EML4: variants seen among roughly 807,000 people sequenced by gnomAD.
The protein encoded by EML4 is echinoderm microtubule-associated protein-like 4.
Under a neutral mutation model 129.0 loss-of-function variants are expected in EML4, and 72 were observed. The ratio of observed to expected loss-of-function variants is 0.56; its 90% CI spans 0.46 to 0.68. The LOEUF is 0.68. EML4 is among the 30% of genes least tolerant of loss of function. The pLI, the probability that EML4 is intolerant of heterozygous loss-of-function variation, is 0.00. For synonymous variants in EML4, 532 were observed against 405.0 expected, an observed-to-expected ratio of 1.31 and a Z score of -3.77; for missense variants, 1,363 against 1,190.6, an observed-to-expected ratio of 1.14 and a Z score of -2.13.
At chr2:42,227,575 A>G (rs1674051272) in intron 1 of EML4, among the ~76,000 whole-genome samples, 1 of 150,754 alleles carries the variant, frequency 6.6e-6, no homozygotes, top group South Asian at 2.1e-4. Flanking sequence ...TGCAATATAT[A>G]TGCCCTTCAA....
At chr2:42,284,583 T>G in intron 8 of EML4, 51 bp from the exon 9 acceptor site, 2 of 1,322,258 alleles carry the variant, frequency 1.5e-6, no homozygotes, top group Non-Finnish European at 2.2e-6. Context: ...AAAGGTATTC[T>G]GTTGTTTCAT....
chr2:42,230,198 A>T (rs1332825825), intron 1 of EML4, among the ~76,000 whole-genome samples: 1 of 152,054 alleles, frequency 6.6e-6, no homozygotes, highest in African/African-American at 2.4e-5. Context: ...CAAATCAACC[A>T]CTGTTTGGAG....
chr2:42,307,808 C>T (rs1466690886), intron 17 of EML4, among the ~76,000 whole-genome samples: 1 of 152,210 alleles, frequency 6.6e-6, no homozygotes, highest in Non-Finnish European at 1.5e-5. Context: ...GCGCCCACCA[C>T]CATACCCAGC....
chr2:42,196,037 T>G (rs1368846425), intron 1 of EML4, among the ~76,000 whole-genome samples: 1 of 152,188 alleles, frequency 6.6e-6, no homozygotes, highest in Non-Finnish European at 1.5e-5. Context: ...ATATAGTATT[T>G]TATTCTCATC....
At chr2:42,224,657 A>C (rs1014889406) in intron 1 of EML4, among the ~76,000 whole-genome samples, 2 of 152,072 alleles carry the variant, frequency 1.3e-5, no homozygotes, top group Admixed American at 1.3e-4. Context: ...TACTGTTTAC[A>C]TTCCCACTAG....
chr2:42,297,190 C>T (rs1249700682), intron 13 of EML4, among the ~76,000 whole-genome samples: 1 of 152,160 alleles, frequency 6.6e-6, no homozygotes, highest in East Asian at 1.9e-4. Context: ...AATATATTAT[C>T]AACTACTTTT....
At chr2:42,240,540 T>A (rs1381423620) in intron 1 of EML4, among the ~76,000 whole-genome samples, 2 of 152,242 alleles carry the variant, frequency 1.3e-5, no homozygotes, top group African/African-American at 4.8e-5. Context: ...TCCACTTAAG[T>A]CATCTTGTAG....
intron 4 of EML4, 87 bp downstream of exon 4, chr2:42,261,381 G>T: frequency 8.3e-7 from 1 of 1,210,288 alleles, no homozygotes; most frequent in Non-Finnish European, 1.1e-6. Flanking sequence ...GCTATCCAAG[G>T]ATTCTGAGAG....
Position 42,295,487 on chromosome 2 carries a change from T to G in EML4, c.1460T>G (p.Val487Gly). 1 of 1,613,740 alleles carries G rather than the reference T, an allele frequency of 6.2e-7. No individual in the cohort carries two copies. The highest frequency in any genetic ancestry group is 8.5e-7 in the Non-Finnish European group (1 of 1,179,862). ...GVMLIWSKTT[V>G]EPTPGKGPKG... ...ATGCTTATATGGAGCAAAACTACTG[T>G]AGAGCCCACACCTGGGAAAGGACCT... Residue 487 changes from valine (V) to glycine (G), a missense_variant, in exon 13 of 23, where the codon GTA (valine) becomes GGA (glycine). By Grantham distance (109) the Val-to-Gly change is moderately radical. Coordinates refer to ENST00000318522, the MANE Select transcript of EML4 (RefSeq NM_019063.5).
chr2:42,249,569 A>G (rs1341442234), intron 2 of EML4, among the ~76,000 whole-genome samples: 2 of 152,238 alleles, frequency 1.3e-5, no homozygotes, highest in Non-Finnish European at 2.9e-5. Context: ...AGATATGACC[A>G]AAAGTAAATG....
intron 1 of EML4, among the ~76,000 whole-genome samples, chr2:42,189,505 A>G (rs1671459179): frequency 6.6e-6 from 1 of 152,236 alleles, no homozygotes; most frequent in Non-Finnish European, 1.5e-5. Context: ...GCATGAGACC[A>G]GGAGTTCAAG....
chr2:42,225,491 C>T (rs1356453929), intron 1 of EML4, among the ~76,000 whole-genome samples: 1 of 152,042 alleles, frequency 6.6e-6, no homozygotes, highest in Non-Finnish European at 1.5e-5. Flanking sequence ...GATTGTAGGC[C>T]AAGTATATTT....
intron 7 of EML4, among the ~76,000 whole-genome samples, chr2:42,282,457 C>T (rs541169847): frequency 3.1e-4 from 47 of 152,226 alleles, no homozygotes; most frequent in Admixed American, 1.8e-3. Flanking sequence ...GGCACGATCA[C>T]TGCTCACTGT....
intron 1 of EML4, among the ~76,000 whole-genome samples, chr2:42,227,319 C>G (rs1674032049): frequency 6.6e-6 from 1 of 152,010 alleles, no homozygotes; most frequent in Non-Finnish European, 1.5e-5. Flanking sequence ...GGGGTTCTCA[C>G]TATGTTGCTC....
At chr2:42,303,967 T>G (rs1024824718) in intron 16 of EML4, among the ~76,000 whole-genome samples, 1 of 152,186 alleles carries the variant, frequency 6.6e-6, no homozygotes, top group Non-Finnish European at 1.5e-5. Context: ...GCGTAAAAGC[T>G]CAATTTGTCC....
intron 16 of EML4, 34 bp downstream of exon 16, chr2:42,303,480 C>T (rs370852955): frequency 3.1e-6 from 5 of 1,602,862 alleles, no homozygotes; most frequent in Non-Finnish European, 4.3e-6. Context: ...TTAACCTCCC[C>T]ACAGAAACTC....
chr2:42,200,150 A>G (rs1672133378), intron 1 of EML4, among the ~76,000 whole-genome samples: 1 of 135,994 alleles, frequency 7.4e-6, no homozygotes, highest in African/African-American at 2.9e-5. Context: ...TCTACTAAAA[A>G]TACAAAAAAA....
chr2:42,182,157 T>C (rs1290309828), intron 1 of EML4, among the ~76,000 whole-genome samples: 5 of 124,648 alleles, frequency 4.0e-5, no homozygotes, highest in African/African-American at 6.3e-5. Context: ...GAAAAATTCT[T>C]CTTTTTTTTT....
At chr2:42,200,153 CAAAAAAAAA>C (rs11421705) in intron 1 of EML4, among the ~76,000 whole-genome samples, 9 of 84,452 alleles carry the variant, frequency 1.1e-4, no homozygotes, top group Admixed American at 2.8e-4. Context: ...ACTAAAAATA[CAAAAAAAAA>C]AAAAAAAAAA....
Sources: gnomAD v4.1 joint callset for allele counts (sites outside exome capture counted in the v4.1 genomes callset) on GRCh38, gnomAD v4.1.1 for gene constraint, MANE v1.5 for transcripts, NCBI Gene and HGNC (gene_info 2026-07-23, HGNC 2026-07-21) for gene names.